Variants in KIF20A observed in about 807,000 individuals in gnomAD.
KIF20A encodes kinesin family member 20A, also known as kinesin-like protein KIF20A.
KIF20A carries 66 observed loss-of-function variants against 113.0 expected under a neutral mutation model. The observed-to-expected ratio is 0.58, with a 90% CI of 0.48 to 0.72. KIF20A has a LOEUF of 0.72. Among genes scored for constraint, KIF20A ranks in the 30% least tolerant of loss-of-function variants. The pLI, the probability that KIF20A is intolerant of heterozygous loss-of-function variation, is 0.00. For synonymous variants in KIF20A, 376 were observed against 402.3 expected (o/e 0.93, Z 0.78); for missense variants, 927 against 1,077.6 (o/e 0.86, Z 1.96).
At chr5:138,186,561 C>A (rs1754749209) in intron 18 of KIF20A, 130 bp downstream of exon 18, 1 of 1,009,160 alleles carries the variant, frequency 9.9e-7, no homozygotes, top group Admixed American at 3.3e-5. Flanking sequence ...AGTATATTTG[C>A]AAAATAAAAA....
chr5:138,182,794 G>A, intron 6 of KIF20A, 21 bp downstream of exon 6: 1 of 1,613,550 alleles, frequency 6.2e-7, no homozygotes, highest in African/African-American at 1.3e-5. Flanking sequence ...GGTATCCATG[G>A]CAGTGGGGGT....
In KIF20A at chr5:138,187,693, A is replaced by G. The variant is rs936726690; in HGVS notation, c.*280A>G. On this transcript the variant is annotated 3_prime_UTR_variant, in exon 19 of 19. Transcript: ENST00000394894. ...ATTGAATTCCAAATGTAGCAAAATC[A>G]TTAAAACAAATTATAAAAGGGACAG... is the stretch of plus-strand genomic sequence containing the variant. 7.0e-6 allele frequency: 2 copies of G among 284,662 alleles called. No individual in the cohort carries two copies. Among genetic ancestry groups the G allele is most frequent in the Non-Finnish European group, 1.3e-5 (2 of 150,040 alleles). 17.6% of individuals were successfully genotyped at this position (284,662 alleles called of 1,614,324 possible). A position where few individuals can be genotyped will look rare whatever the true frequency, so the allele number is the denominator to read the frequency against.
chr5:138,186,439 C>T lies in KIF20A; in HGVS notation c.2355+8C>T. On this transcript the variant is annotated splice_region_variant and intron_variant, in intron 18 of 18. Coordinates refer to ENST00000394894, the MANE Select transcript of KIF20A (RefSeq NM_005733.3). ...GACATCTTAATCAAACAGGTTAGGG[C>T]AAACTATATACCCACTTCTGTCCTA... The T allele has an allele frequency of 6.2e-7, 1 of 1,611,456 alleles. No individual in the cohort carries two copies. The highest frequency in any genetic ancestry group is 8.5e-7 in the Non-Finnish European group (1 of 1,179,442).
At chr5:138,185,866 A>G in intron 16 of KIF20A, 95 bp from the exon 17 acceptor site, 1 of 1,327,624 alleles carries the variant, frequency 7.5e-7, no homozygotes, top group Non-Finnish European at 1.1e-6. Context: ...CTCACTTTTT[A>G]TATTTGCTGC....
chr5:138,181,537 AAG>A, intron 3 of KIF20A, 26 bp downstream of exon 3: 1 of 1,614,004 alleles, frequency 6.2e-7, no homozygotes, highest in Non-Finnish European at 8.5e-7. Flanking sequence ...GGGAGGATTC[AAG>A]GTGAAATGAT....
chr5:138,186,845 A>T (rs548543408), intron 18 of KIF20A, among the ~76,000 whole-genome samples: 3 of 152,366 alleles, frequency 2.0e-5, no homozygotes, highest in African/African-American at 7.2e-5. Context: ...AGACTGAGGC[A>T]CTTAGAAATT....
rs1388339521 is a variant in KIF20A at position 138,181,744 on chromosome 5, GT to G, written c.375+19del. On this transcript the variant is annotated intron_variant, in intron 4 of 18. Transcript: ENST00000394894. ...CTTTTCCCAGGTATGGAGGGTACTG[GT>G]TTGTGAACAAAAGACCAACATGTAA... 3 of 1,612,566 alleles carry G rather than the reference GT, an allele frequency of 1.9e-6. No individual in the cohort carries two copies. Among genetic ancestry groups the G allele is most frequent in the Middle Eastern group, 1.9e-4 (1 of 5,298 alleles).
At position 138,183,416 on chromosome 5, in the gene KIF20A, G is replaced by A; in HGVS notation, c.1027+53G>A. The A allele has an allele frequency of 6.2e-7, 1 of 1,612,210 alleles. No individual in the cohort carries two copies. Among genetic ancestry groups the A allele is most frequent in the Non-Finnish European group, 8.5e-7 (1 of 1,178,342 alleles). On this transcript the variant is annotated intron_variant, in intron 8 of 18. Transcript: ENST00000394894. The surrounding 1 kb of genome is among the most constrained non-coding windows in gnomAD (Gnocchi z 5.2). ...GAACCCTGGAGGGCAACTGGGGAGA[G>A]ACTGGCAAAAGAGTTGGATGTTCCC...
rs545054499 is a variant in KIF20A, at chr5:138,179,862, G to A, written c.165+17G>A. On this transcript the variant is annotated intron_variant, in intron 2 of 18. Coordinates refer to ENST00000394894, the MANE Select transcript of KIF20A (RefSeq NM_005733.3). ...AAGCAGCAGGTAAAGGAACTGGGGAGTGGCTGGGGCGGAAAGTGATATCCT... is the reference window on the plus strand; with the variant it reads ...AAGCAGCAGGTAAAGGAACTGGGGAATGGCTGGGGCGGAAAGTGATATCCT... 6.2e-7 allele frequency: 1 copy of A among 1,613,208 alleles called. No individual in the cohort carries two copies. The highest frequency in any genetic ancestry group is 1.3e-5 in the African/African-American group (1 of 75,044).
At chr5:138,184,470 G>A in intron 12 of KIF20A, 42 bp from the exon 13 acceptor site, 2 of 1,611,408 alleles carry the variant, frequency 1.2e-6, no homozygotes, top group Non-Finnish European at 1.7e-6. Context: ...AGCTCCTAGG[G>A]ACTACTTATG....
At position 138,183,265 on chromosome 5, in the gene KIF20A, AC is replaced by A. The variant is rs1754689787; in HGVS notation, c.930del (p.Asn310LysfsTer8). ...SIWISFFEIY[N>X]ELLYDLLEPP... ...TGGATCTCATTCTTTGAGATCTACA[AC>A]GAACTGCTTTATGACCTATTAGAAC... On this transcript the variant is annotated frameshift_variant, in exon 8 of 19. Transcript: ENST00000394894. LOFTEE classifies it high-confidence loss of function. The surrounding 1 kb of genome is among the most constrained non-coding windows in gnomAD (Gnocchi z 5.2). 1 of 1,613,278 alleles carries A rather than the reference AC, an allele frequency of 6.2e-7. No homozygotes were observed. The highest frequency in any genetic ancestry group is 8.5e-7 in the Non-Finnish European group (1 of 1,179,776).
Position 138,184,523 on chromosome 5 carries a change from C to T in KIF20A, c.1530C>T (p.Ala510=). ...FSAIASQLVH[A]PPMQLGFPSL... The stretch of plus-strand genomic sequence containing the variant: ...TTTTTTCCCTCTAGCTTGTGCATGC[C>T]CCACCTATGCAACTGGGATTCCCAT... The change falls in exon 13 of 19, where the codon GCC becomes GCT. Residue 510 remains alanine, a synonymous_variant. Transcript: ENST00000394894. 1 of 1,613,660 alleles carries T rather than the reference C, an allele frequency of 6.2e-7. No individual in the cohort carries two copies.
intron 16 of KIF20A, 114 bp from the exon 17 acceptor site, chr5:138,185,847 A>G (rs865893910): frequency 7.7e-7 from 1 of 1,290,326 alleles, no homozygotes; most frequent in African/African-American, 1.5e-5. Flanking sequence ...AATCTAGGAT[A>G]CACATAGCCT....
At chr5:138,181,825 C>T in intron 4 of KIF20A, 97 bp downstream of exon 4, 1 of 1,408,008 alleles carries the variant, frequency 7.1e-7, no homozygotes, top group Non-Finnish European at 9.8e-7. Flanking sequence ...CTGTGAGTTC[C>T]TTGTATATGC....
In KIF20A at chr5:138,183,971, C is replaced by T; in HGVS notation, c.1218C>T (p.Leu406=). ...CTGTGCATCATTCTAGGCTGTCACT[C>T]TGTGATCTGGCTGGCTCAGAGCGCT... The part of the protein sequence containing the change: ...DIVPKISELS[L]CDLAGSERCK... Residue 406 remains leucine, a synonymous_variant, in exon 11 of 19, where the codon CTC becomes CTT. Coordinates refer to ENST00000394894, the MANE Select transcript of KIF20A (RefSeq NM_005733.3). The surrounding 1 kb of genome is among the most constrained non-coding windows in gnomAD (Gnocchi z 5.2). 6.2e-7 allele frequency: 1 copy of T among 1,614,186 alleles called. No individual in the cohort carries two copies. Among genetic ancestry groups the T allele is most frequent in the African/African-American group, 1.3e-5 (1 of 75,036 alleles).
In KIF20A at chr5:138,184,346, G is replaced by A; in HGVS notation, c.1460G>A (p.Cys487Tyr). Residue 487 changes from cysteine (C) to tyrosine (Y), a missense_variant, in exon 12 of 19, where the codon TGT becomes TAT. By Grantham distance (194) the Cys-to-Tyr change is radical (BLOSUM62 -2). Transcript: ENST00000394894. ...RSCMIVNVNP[C>Y]ASTYDETLHV... ...TGCATGATTGTCAATGTGAATCCCT[G>A]TGCATCTACCTATGATGAAACTCTT... 6.2e-6 allele frequency: 10 copies of A among 1,614,172 alleles called. No individual in the cohort carries two copies. The highest frequency in any genetic ancestry group is 7.6e-6 in the Non-Finnish European group (9 of 1,180,034).
chr5:138,182,746 G>C lies in KIF20A; in HGVS notation c.675G>C (p.Leu225=), dbSNP rs754438305. The change falls in exon 6 of 19, where the codon CTG becomes CTC. Residue 225 remains leucine (L), a synonymous_variant. Coordinates refer to ENST00000394894, the MANE Select transcript of KIF20A (RefSeq NM_005733.3). ...TCCGACAGGAGGAAATGAAGAAGCT[G>C]TCCCTGCTAAATGGAGGCCTCCAAG... The part of the protein sequence containing the change: ...KQIRQEEMKK[L]SLLNGGLQEE... The C allele has an allele frequency of 6.2e-6, 10 of 1,613,750 alleles. No homozygotes were observed. The African/African-American group carries it at 9.3e-5, about 15-fold the overall frequency.
chr5:138,186,261 G>C, intron 17 of KIF20A, 33 bp from the exon 18 acceptor site: 3 of 1,575,602 alleles, frequency 1.9e-6, no homozygotes, highest in South Asian at 1.2e-5. Context: ...GTTGCTCTTG[G>C]CCACAATATG....
Position 138,186,024 on chromosome 5 carries a change from T to C in KIF20A, c.2189T>C (p.Val730Ala). 6.2e-7 allele frequency: 1 copy of C among 1,614,076 alleles called. No homozygotes were observed. The highest frequency in any genetic ancestry group is 1.1e-5 in the South Asian group (1 of 91,068). The part of the protein sequence containing the change: ...PPSAKPFTID[V>A]DKKLEEGQKN... ...TCAGCCAAGCCCTTCACCATTGATG[T>C]GGACAAGAAGTTAGAAGAGGGCCAG... is the stretch of plus-strand genomic sequence containing the variant. Residue 730 changes from valine to alanine, a missense_variant, in exon 17 of 19, where the codon GTG becomes GCG. Coordinates refer to ENST00000394894, the MANE Select transcript of KIF20A (RefSeq NM_005733.3).
Sources: gnomAD v4.1 joint callset for allele counts (sites outside exome capture counted in the v4.1 genomes callset) on GRCh38, gnomAD v4.1.1 for gene constraint, Gnocchi (gnomAD v3.1) non-coding constraint, MANE v1.5 for transcripts, NCBI Gene and HGNC (gene_info 2026-07-23, HGNC 2026-07-21) for gene names.